Variants in RREB1 observed in about 807,000 individuals in gnomAD.
The protein encoded by RREB1 is ras-responsive element-binding protein 1.
RREB1 carries 27 observed loss-of-function variants against 117.8 expected under a neutral mutation model. The observed-to-expected ratio is 0.23, with a 90% confidence interval of 0.17 to 0.32. RREB1 has a LOEUF of 0.32. Among genes scored for constraint, RREB1 ranks in the 10% least tolerant of loss-of-function variants. RREB1 has a pLI of 1.00. For missense variants in RREB1, 2,577 were observed against 2,378.2 expected (o/e 1.08, Z -1.74); for synonymous variants, 1,298 against 1,026.7 (o/e 1.26, Z -5.05).
At chr6:7,137,770 G>GTTGGAGTCATTTGCTCAAACTACT in intron 1 of RREB1, among the ~76,000 whole-genome samples, 1 of 152,070 alleles carries the variant, frequency 6.6e-6, no homozygotes, top group South Asian at 2.1e-4. Flanking sequence ...TCATTTCACG[G>GTTGGAGTCATTTGCTCAAACTACT]CCGCCTAGCT....
chr6:7,239,480 A>AC (rs1768554151), intron 10 of RREB1, among the ~76,000 whole-genome samples: 1 of 152,084 alleles, frequency 6.6e-6, no homozygotes, highest in African/African-American at 2.4e-5. Flanking sequence ...CAAACCCAGG[A>AC]CAAGTTGTAG....
intron 11 of RREB1, among the ~76,000 whole-genome samples, chr6:7,242,651 C>CG (rs1561806252): frequency 6.7e-5 from 10 of 148,334 alleles, no homozygotes; most frequent in African/African-American, 2.5e-4. Flanking sequence ...TTCCCCCCCC[C>CG]CAGTGAAGTT....
At chr6:7,224,851 T>C (rs1218500636) in intron 8 of RREB1, among the ~76,000 whole-genome samples, 2 of 152,028 alleles carry the variant, frequency 1.3e-5, no homozygotes, top group Non-Finnish European at 2.9e-5. Context: ...GAACTCTGTG[T>C]TTTGAGTGGC....
chr6:7,187,585 A>ATTTTC (rs1380239404), intron 5 of RREB1, 62 bp downstream of exon 5: 33 of 908,856 alleles, frequency 3.6e-5, no homozygotes, highest in Non-Finnish European at 4.7e-5. Context: ...ATTTTATTTT[A>ATTTTC]TTTTAGTCAA....
chr6:7,214,173 T>C (rs879299584), intron 8 of RREB1: 2 of 152,390 alleles, frequency 1.3e-5, no homozygotes, highest in Admixed American at 6.5e-5. Flanking sequence ...GGGTGATTAA[T>C]CCACAGTGAT....
intron 1 of RREB1, 150 bp downstream of exon 1, chr6:7,108,210 G>A (rs1760923338): frequency 6.6e-6 from 1 of 152,490 alleles, no homozygotes; most frequent in South Asian, 2.0e-4. Flanking sequence ...GTGTGTCCCG[G>A]AGCCGGGGAC....
At chr6:7,156,130 A>G (rs1212080780) in intron 1 of RREB1, among the ~76,000 whole-genome samples, 1 of 152,228 alleles carries the variant, frequency 6.6e-6, no homozygotes, top group African/African-American at 2.4e-5. Context: ...TTCACACTTA[A>G]GAGTCTAGAC....
intron 6 of RREB1, among the ~76,000 whole-genome samples, chr6:7,208,561 G>A (rs115804918): frequency 0.01 from 1,564 of 152,330 alleles, 29 homozygotes; most frequent in African/African-American, 0.036. Context: ...TGCACCTGGG[G>A]CTCCGGGGCT....
At chr6:7,146,015 G>A (rs1249159759) in intron 1 of RREB1, among the ~76,000 whole-genome samples, 8 of 150,582 alleles carry the variant, frequency 5.3e-5, no homozygotes, top group Admixed American at 2.7e-4. Flanking sequence ...CCACCTCTCC[G>A]TATCCCTCTC....
At chr6:7,245,241 CAAA>C (rs1768933737) in intron 11 of RREB1, among the ~76,000 whole-genome samples, 2 of 152,042 alleles carry the variant, frequency 1.3e-5, no homozygotes, top group Admixed American at 1.3e-4. Flanking sequence ...ACTAAAAATA[CAAA>C]AATCAGCTGG....
At chr6:7,225,969 A>G (rs1767559754) in intron 8 of RREB1, among the ~76,000 whole-genome samples, 1 of 152,192 alleles carries the variant, frequency 6.6e-6, no homozygotes. Flanking sequence ...TTCTAATTAG[A>G]TTGGAAAATT....
In RREB1 at chr6:7,187,427, T is replaced by C. The variant is rs1581509514; in HGVS notation, c.172-7T>C. 1.3e-6 allele frequency: 2 copies of C among 1,572,070 alleles called. No individual in the cohort carries two copies. The highest frequency in any genetic ancestry group is 1.7e-6 in the Non-Finnish European group (2 of 1,144,368). ...AATTTATCTTCCCTTTTAATCTTTC[T>C]TTTTAGGAAACGAAAGAGGAGAAGT... On this transcript the variant is annotated splice_region_variant and splice_polypyrimidine_tract_variant and intron_variant, in intron 4 of 12. Transcript: ENST00000379938.
Position 7,244,309 on chromosome 6 carries a change from A to G in RREB1, c.3974-2115A>G, listed in dbSNP as rs565772121. 2.6e-5 allele frequency among the ~76,000 whole-genome samples: 4 copies of G among 151,660 alleles called. No individual in the cohort carries two copies. In the South Asian group the frequency reaches 8.4e-4, roughly 32 times the overall value. On this transcript the variant is annotated intron_variant, in intron 11 of 12. Coordinates refer to ENST00000379938, the MANE Select transcript of RREB1 (RefSeq NM_001003699.4). The stretch of plus-strand genomic sequence containing the variant: ...TTACAAAGGCCAGCCACAGTTGCTT[A>G]TGCCTATAACCTCAGCACTTTGGGA...
intron 1 of RREB1, among the ~76,000 whole-genome samples, chr6:7,121,298 G>A (rs1761669684): frequency 6.6e-6 from 1 of 152,110 alleles, no homozygotes; most frequent in East Asian, 1.9e-4. Context: ...GTGTTTTAGC[G>A]ATGCTTTATC....
chr6:7,212,012 A>G (rs1012664409), intron 8 of RREB1: 2 of 357,770 alleles, frequency 5.6e-6, no homozygotes, highest in Non-Finnish European at 1.0e-5. Flanking sequence ...GTTCTTGGAC[A>G]ACAGATAGAT....
chr6:7,181,314 T>A (rs1764783100), intron 3 of RREB1, 68 bp downstream of exon 3: 1 of 399,866 alleles, frequency 2.5e-6, no homozygotes. Flanking sequence ...TTATACATAT[T>A]TTTTAAGAAA....
intron 1 of RREB1, among the ~76,000 whole-genome samples, chr6:7,135,558 GACA>G (rs1161016362): frequency 6.6e-6 from 1 of 152,070 alleles, no homozygotes; most frequent in Non-Finnish European, 1.5e-5. Flanking sequence ...TTCTGGTTCT[GACA>G]ACAACAGCAT....
In RREB1 at chr6:7,231,468, A is replaced by T. The variant is rs373400231; in HGVS notation, c.3369A>T (p.Pro1123=). 17 of 1,613,024 alleles carry T rather than the reference A, an allele frequency of 1.1e-5. No homozygotes were observed. The highest frequency in any genetic ancestry group is 1.4e-5 in the Non-Finnish European group (16 of 1,179,700). ...TTATPAATTS[P]KESSEPPAPA... ...CCACCCCCGCTGCCACCACCAGCCC[A>T]AAAGAGTCTAGTGAGCCTCCCGCTC... The change falls in exon 10 of 13, where the codon CCA becomes CCT. Residue 1123 remains proline, a synonymous_variant. Coordinates refer to ENST00000379938, the MANE Select transcript of RREB1 (RefSeq NM_001003699.4).
At chr6:7,122,821 A>AAGAG (rs1761734759) in intron 1 of RREB1, among the ~76,000 whole-genome samples, 1 of 152,218 alleles carries the variant, frequency 6.6e-6, no homozygotes, top group African/African-American at 2.4e-5. Flanking sequence ...TTATAAATAC[A>AAGAG]GCATGCTAGA....
Sources: gnomAD v4.1 joint callset for allele counts (sites outside exome capture counted in the v4.1 genomes callset) on GRCh38, gnomAD v4.1.1 for gene constraint, MANE v1.5 for transcripts, NCBI Gene and HGNC (gene_info 2026-07-23, HGNC 2026-07-21) for gene names.